Variants in ZNF800 observed in about 807,000 individuals in gnomAD.
ZNF800 encodes zinc finger protein 800.
A neutral mutation model predicts 59.5 loss-of-function variants in ZNF800; 13 were observed. The observed-to-expected ratio is 0.22, with a 90% CI of 0.14 to 0.35. The LOEUF (loss-of-function observed/expected upper bound fraction) is 0.35, where lower values mean the gene tolerates loss of function less well. Among genes scored for constraint, ZNF800 ranks in the 10% least tolerant of loss-of-function variants. ZNF800 has a pLI of 1.00. For synonymous variants in ZNF800, 266 were observed against 265.7 expected, an observed-to-expected ratio of 1.00 and a Z score of -0.01; for missense variants, 621 against 783.7, an observed-to-expected ratio of 0.79 and a Z score of 2.48.
At chr7:127,356,505 T>C (rs1427330624) in intron 1 of ZNF800, among the ~76,000 whole-genome samples, 3 of 151,982 alleles carry the variant, frequency 2.0e-5, no homozygotes, top group African/African-American at 7.2e-5. Flanking sequence ...AATACACATA[T>C]CTTCATCAAT....
chr7:127,379,232 A>C (rs1800881803), intron 3 of ZNF800, among the ~76,000 whole-genome samples: 2 of 152,210 alleles, frequency 1.3e-5, no homozygotes, highest in South Asian at 4.1e-4. Context: ...TTTAGTTCAC[A>C]GTTAACTTCA....
rs1800814191 is a variant in ZNF800 at position 127,377,291 on chromosome 7, C to T, written c.196G>A (p.Asp66Asn). Reference protein sequence around the residue: ...QLKHILLKDVDTIFECKLCRS... With the variant: ...QLKHILLKDVNTIFECKLCRS... ...CATAACTTACATTCAAAAATAGTGT[C>T]CACATCTTTTAATAAAATATGCTTA... The change falls in exon 4 of 6, where the codon GAC becomes AAC. Residue 66 changes from aspartate to asparagine, a missense_variant. Physicochemically the swap from Asp to Asn is conservative, Grantham distance 23 (BLOSUM62 1). Coordinates refer to ENST00000265827, the MANE Select transcript of ZNF800 (RefSeq NM_176814.5). The surrounding 1 kb of genome is among the most constrained non-coding windows in gnomAD (Gnocchi z 4.7). 1 of 1,609,278 alleles carries T rather than the reference C, an allele frequency of 6.2e-7. No homozygotes were observed. The highest frequency in any genetic ancestry group is 8.5e-7 in the Non-Finnish European group (1 of 1,176,970).
downstream of ZNF800, among the ~76,000 whole-genome samples, chr7:127,344,392 C>T (rs1800021664): frequency 6.6e-6 from 1 of 152,052 alleles, no homozygotes; most frequent in African/African-American, 2.4e-5. Context: ...AACCTTAACA[C>T]ATGACAAGTT....
At position 127,373,524 on chromosome 7, in the gene ZNF800, G is replaced by A. The variant is rs767107811; in HGVS notation, c.1812C>T (p.Asp604=). The change falls in exon 5 of 6, where the codon GAC becomes GAT. Residue 604 remains aspartate (D), a synonymous_variant. Coordinates refer to ENST00000265827, the MANE Select transcript of ZNF800 (RefSeq NM_176814.5). The part of the protein sequence containing the change: ...NSPSKKYEVA[D]VGIEVKVTKN... ...TTGTGACTTTTACTTCAATACCGACGTCAGCTACTTCATACTTTTTACTAG... is the reference window on the plus strand; with the variant it reads ...TTGTGACTTTTACTTCAATACCGACATCAGCTACTTCATACTTTTTACTAG... 5 of 1,613,962 alleles carry A rather than the reference G, an allele frequency of 3.1e-6. No homozygotes were observed. Among genetic ancestry groups the A allele is most frequent in the Admixed American group, 1.7e-5 (1 of 59,996 alleles).
rs202003712 is a variant in ZNF800, at chr7:127,373,880, G to A, written c.1456C>T (p.Leu486Phe). ...KLSAGFDFKQ[L>F]YCKLCKRQFT... Reference sequence around the variant, plus strand: ...TGACGTTTACAAAGTTTACAGTAAAGTTGCTTAAAGTCAAAGCCAGCTGAA... The same window carrying A: ...TGACGTTTACAAAGTTTACAGTAAAATTGCTTAAAGTCAAAGCCAGCTGAA... Residue 486 changes from leucine (L) to phenylalanine (F), a missense_variant, in exon 5 of 6, where the codon CTT (leucine) becomes TTT (phenylalanine). Physicochemically the swap from Leu to Phe is conservative, Grantham distance 22 (BLOSUM62 0). Around this residue, in one of 7 missense-constraint regions of ZNF800, gnomAD observed 46 missense variants for 118.4 expected, o/e 0.39. Coordinates refer to ENST00000265827, the MANE Select transcript of ZNF800 (RefSeq NM_176814.5). 1.9e-6 allele frequency: 3 copies of A among 1,614,146 alleles called. No homozygotes were observed. Among genetic ancestry groups the A allele is most frequent in the Non-Finnish European group, 2.5e-6 (3 of 1,180,014 alleles).
At chr7:127,376,438 T>G (rs1800789601) in intron 4 of ZNF800, among the ~76,000 whole-genome samples, 2 of 151,996 alleles carry the variant, frequency 1.3e-5, no homozygotes, top group Admixed American at 6.6e-5. Flanking sequence ...CATTAATTCT[T>G]TAAAGAAAGA....
intron 1 of ZNF800, among the ~76,000 whole-genome samples, chr7:127,359,431 A>T (rs966676242): frequency 3.3e-5 from 5 of 152,026 alleles, no homozygotes; most frequent in Admixed American, 6.6e-5. Flanking sequence ...CAACATACCA[A>T]ATTAAAATTC....
chr7:127,372,825 TTC>T (rs761879590), intron 5 of ZNF800: 1 of 985,434 alleles, frequency 1.0e-6, no homozygotes, highest in Non-Finnish European at 1.2e-6. Context: ...GGATTTTTTT[TTC>T]TGAGTGCAGC....
At chr7:127,357,233 T>C (rs1800288644) in intron 1 of ZNF800, among the ~76,000 whole-genome samples, 3 of 152,034 alleles carry the variant, frequency 2.0e-5, no homozygotes, top group East Asian at 1.9e-4. Flanking sequence ...ATCGTTAGGT[T>C]CTTCCTCCAG....
intron 2 of ZNF800, among the ~76,000 whole-genome samples, chr7:127,390,181 A>G (rs1030298284): frequency 1.3e-5 from 2 of 152,220 alleles, no homozygotes; most frequent in African/African-American, 4.8e-5. Flanking sequence ...TCAGAAAAAA[A>G]AAACTAGACT....
chr7:127,350,484 T>A (rs1420959091), intron 1 of ZNF800: 1 of 152,246 alleles, frequency 6.6e-6, no homozygotes, highest in Non-Finnish European at 1.5e-5. Flanking sequence ...TTTTTCCCTA[T>A]GGCAACAAGT....
chr7:127,365,883 T>A (rs1800495848), downstream of ZNF800, among the ~76,000 whole-genome samples: 1 of 152,126 alleles, frequency 6.6e-6, no homozygotes, highest in South Asian at 2.1e-4. Flanking sequence ...CTAGAAAGTA[T>A]TTCAGAAAGA....
intron 5 of ZNF800, among the ~76,000 whole-genome samples, chr7:127,372,123 T>C (rs141387931): frequency 0.011 from 1,723 of 151,880 alleles, 10 homozygotes; most frequent in Non-Finnish European, 0.018. Flanking sequence ...GTATAGGGAG[T>C]CTACTCATTT....
At chr7:127,347,652 C>G (rs1041480034) in exon 2 of ZNF800, 8 of 152,328 alleles carry the variant, frequency 5.3e-5, no homozygotes, top group African/African-American at 1.7e-4. Context: ...CCCTAAGGCA[C>G]GTGGTCCTCT....
Position 127,355,840 on chromosome 7 carries a change from A to C in ZNF800, n.225-7797T>G, listed in dbSNP as rs1357763181. 2.6e-5 allele frequency among the ~76,000 whole-genome samples: 4 copies of C among 152,114 alleles called. No individual in the cohort carries two copies. In the East Asian group the frequency reaches 7.7e-4, roughly 29 times the overall value. On this transcript the variant is annotated intron_variant and non_coding_transcript_variant, in intron 1 of 1. Coordinates refer to the ZNF800 transcript ENST00000485577. ...GGCTGACTAGGCAAGATCAACACACATCTAGATCCAACTTTTTAATAGGCA... is the reference window on the plus strand; with the variant it reads ...GGCTGACTAGGCAAGATCAACACACCTCTAGATCCAACTTTTTAATAGGCA...
At chr7:127,385,911 C>T (rs1801127080) in intron 3 of ZNF800, 149 bp downstream of exon 3, 1 of 517,714 alleles carries the variant, frequency 1.9e-6, no homozygotes, top group African/African-American at 2.0e-5. Flanking sequence ...TTTATACATC[C>T]ACTTTTTTAA....
intron 1 of ZNF800, among the ~76,000 whole-genome samples, chr7:127,356,965 T>C (rs1021169112): frequency 3.9e-5 from 6 of 152,028 alleles, no homozygotes; most frequent in Admixed American, 3.9e-4. Context: ...AGGCATATTT[T>C]AAAAGTTAAT....
chr7:127,372,176 CTTT>C (rs1274444011), intron 5 of ZNF800, among the ~76,000 whole-genome samples: 1 of 152,046 alleles, frequency 6.6e-6, no homozygotes, highest in African/African-American at 2.4e-5. Flanking sequence ...CCAAAACCTT[CTTT>C]AACAAGTAGT....
intron 2 of ZNF800, among the ~76,000 whole-genome samples, chr7:127,389,333 C>T (rs1215880979): frequency 6.6e-6 from 1 of 152,098 alleles, no homozygotes; most frequent in African/African-American, 2.4e-5. Flanking sequence ...TAAAACATAA[C>T]TAAGAAAATA....
Sources: allele counts gnomAD v4.1 joint callset (sites outside exome capture counted in the v4.1 genomes callset), GRCh38; gene constraint gnomAD v4.1.1; regional missense constraint gnomAD v4.1.1; non-coding constraint Gnocchi (gnomAD v3.1); transcripts MANE v1.5; gene names NCBI Gene and HGNC (gene_info 2026-07-23, HGNC 2026-07-21).